ITIH5: variants seen among roughly 807,000 people sequenced by gnomAD.
The protein encoded by ITIH5 is inter-alpha-trypsin inhibitor heavy chain 5, also known as inter-alpha-trypsin inhibitor heavy chain H5.
In ITIH5, 65 loss-of-function variants were observed where a neutral mutation model predicts 77.5. The observed-to-expected ratio is 0.84, with a 90% CI of 0.69 to 1.03. ITIH5 has a LOEUF of 1.03. ITIH5 is among the 50% of genes least tolerant of loss of function. ITIH5 has a pLI of 0.00. For synonymous variants in ITIH5, 525 were observed against 494.3 expected, an observed-to-expected ratio of 1.06 and a Z score of -0.82; for missense variants, 1,208 against 1,213.1, an observed-to-expected ratio of 1.00 and a Z score of 0.06.
At chr10:7,583,143 A>G (rs1832601854) in intron 8 of ITIH5, among the ~76,000 whole-genome samples, 1 of 152,170 alleles carries the variant, frequency 6.6e-6, no homozygotes, top group Non-Finnish European at 1.5e-5. Context: ...TTAAAAATTA[A>G]AATTAAAATG....
At chr10:7,644,306 T>C (rs1447418466) in intron 2 of ITIH5, among the ~76,000 whole-genome samples, 1 of 148,716 alleles carries the variant, frequency 6.7e-6, no homozygotes, top group Non-Finnish European at 1.5e-5. Context: ...ATCATACATA[T>C]CACATATATA....
chr10:7,653,263 G>A (rs1182382383), intron 2 of ITIH5, among the ~76,000 whole-genome samples: 1 of 152,206 alleles, frequency 6.6e-6, no homozygotes, highest in Non-Finnish European at 1.5e-5. Context: ...CTAGAGTGCA[G>A]TGGTGCAATC....
At chr10:7,630,885 CAG>C (rs1330591171) in intron 5 of ITIH5, among the ~76,000 whole-genome samples, 1 of 151,996 alleles carries the variant, frequency 6.6e-6, no homozygotes, top group African/African-American at 2.4e-5. Flanking sequence ...AACATGAAAA[CAG>C]TTACAAAGGT....
chr10:7,602,444 C>G lies in ITIH5; in HGVS notation c.939+13538G>C, dbSNP rs530392663. ...CAGGAGCAGGTGGAGGTAACTAAATCATGGAGGCGGTTTCCCCCAGGCTGT... is the reference window on the plus strand; with the variant it reads ...CAGGAGCAGGTGGAGGTAACTAAATGATGGAGGCGGTTTCCCCCAGGCTGT... On this transcript the variant is annotated intron_variant, in intron 7 of 13. Transcript: ENST00000397146. 5.9e-5 allele frequency among the ~76,000 whole-genome samples: 9 copies of G among 152,300 alleles called. No homozygotes were observed. In the South Asian group the frequency reaches 1.9e-3, roughly 32 times the overall value.
At chr10:7,598,451 A>G (rs1832952763) in intron 7 of ITIH5, among the ~76,000 whole-genome samples, 1 of 152,228 alleles carries the variant, frequency 6.6e-6, no homozygotes, top group African/African-American at 2.4e-5. Flanking sequence ...TTAGAAGTAA[A>G]TGTAGAAAAC....
At chr10:7,597,063 A>AAAT (rs750714870) in intron 7 of ITIH5, among the ~76,000 whole-genome samples, 1 of 142,648 alleles carries the variant, frequency 7.0e-6, no homozygotes, top group Non-Finnish European at 1.6e-5. Flanking sequence ...AAAAAAAAAA[A>AAAT]ATTCCACCAA....
intron 2 of ITIH5, among the ~76,000 whole-genome samples, chr10:7,644,279 G>GTA (rs1425514720): frequency 6.8e-6 from 1 of 146,538 alleles, no homozygotes; most frequent in Non-Finnish European, 1.5e-5. Context: ...ATGTGCGTGT[G>GTA]TATATATATC....
chr10:7,594,614 G>A lies in ITIH5; in HGVS notation c.940-8545C>T, dbSNP rs200771299. On this transcript the variant is annotated intron_variant, in intron 7 of 13. Coordinates refer to ENST00000397146, the MANE Select transcript of ITIH5 (RefSeq NM_030569.7). ...CAATCAGGGTACAGGCCTGATTCGC[G>A]AGGGGATTAAGTGTCTGATTTTAGA... Among the ~76,000 whole-genome samples the A allele has an allele frequency of 4.9e-5, 5 of 103,086 alleles. No homozygotes were observed. In the East Asian group the frequency reaches 8.0e-4, roughly 17 times the overall value. The allele number at this position is 103,086 out of a possible 152,430, so 67.6% of individuals were successfully genotyped here. A position where few individuals can be genotyped will look rare whatever the true frequency, so the allele number is the denominator to read the frequency against.
intron 1 of ITIH5, among the ~76,000 whole-genome samples, chr10:7,665,141 G>A (rs74479699): frequency 6.6e-6 from 1 of 152,112 alleles, no homozygotes; most frequent in Non-Finnish European, 1.5e-5. Flanking sequence ...TATTGTGCTG[G>A]GTTGAAGACA....
At chr10:7,565,922 T>C in intron 13 of ITIH5, 108 bp downstream of exon 13, 1 of 1,446,650 alleles carries the variant, frequency 6.9e-7, no homozygotes, top group East Asian at 2.3e-5. Flanking sequence ...GAAAACCACA[T>C]TCCTATTGAA....
intron 7 of ITIH5, among the ~76,000 whole-genome samples, chr10:7,613,533 G>A (rs558431358): frequency 2.0e-5 from 3 of 152,172 alleles, no homozygotes; most frequent in African/African-American, 7.2e-5. Flanking sequence ...TGTAAAAAAC[G>A]GAAAATCCTA....
chr10:7,562,962 T>G lies in ITIH5; in HGVS notation c.*121A>C. On this transcript the variant is annotated 3_prime_UTR_variant, in exon 14 of 14. Coordinates refer to ENST00000397146, the MANE Select transcript of ITIH5 (RefSeq NM_030569.7). ...CGTCGGATCTATGCTGCACCAGGGGTGGGTCATGGAGTCCAGCTAATTGCC... is the reference window on the plus strand; with the variant it reads ...CGTCGGATCTATGCTGCACCAGGGGGGGGTCATGGAGTCCAGCTAATTGCC... The G allele has an allele frequency of 1.6e-6, 1 of 632,388 alleles. No homozygotes were observed. 39.2% of individuals were successfully genotyped at this position (632,388 alleles called of 1,614,324 possible).
At chr10:7,656,247 C>T (rs546173591) in intron 1 of ITIH5, among the ~76,000 whole-genome samples, 2 of 152,172 alleles carry the variant, frequency 1.3e-5, no homozygotes, top group African/African-American at 2.4e-5. Flanking sequence ...CATGGCCTCG[C>T]TGTGTTGCTC....
intron 9 of ITIH5, 58 bp downstream of exon 9, chr10:7,579,697 G>A (rs1332034787): frequency 2.5e-5 from 39 of 1,544,996 alleles, no homozygotes; most frequent in Admixed American, 1.2e-4. Flanking sequence ...AATTCCCACC[G>A]CAGCCACCCC....
rs538287612 is a variant in ITIH5, at chr10:7,583,367, CT to C, written c.1108+2533del. On this transcript the variant is annotated intron_variant, in intron 8 of 13. Coordinates refer to ENST00000397146, the MANE Select transcript of ITIH5 (RefSeq NM_030569.7). ...TTTGTTTTTGAAACAGAATTTCACT[CT>C]GTCACCGGGGCTGGAGTGCAGTGGT... Among the ~76,000 whole-genome samples, 222 of 152,338 alleles carry C rather than the reference CT, an allele frequency of 1.5e-3. 1 individual carries two copies. The highest frequency in any genetic ancestry group is 4.6e-3 in the Admixed American group (70 of 15,304).
chr10:7,581,152 C>T (rs547360814), intron 8 of ITIH5, among the ~76,000 whole-genome samples: 15 of 152,196 alleles, frequency 9.9e-5, no homozygotes, highest in East Asian at 3.9e-4. Flanking sequence ...CCCAGCTACT[C>T]GGATGGCTAA....
intron 1 of ITIH5, among the ~76,000 whole-genome samples, chr10:7,660,065 C>G (rs920476185): frequency 1.3e-5 from 2 of 152,044 alleles, no homozygotes; most frequent in African/African-American, 4.8e-5. Context: ...ATGGTGCTAC[C>G]CAGCTGAGGT....
chr10:7,565,822 T>C (rs1230664976), intron 13 of ITIH5, among the ~76,000 whole-genome samples: 3 of 149,738 alleles, frequency 2.0e-5, no homozygotes, highest in Admixed American at 6.7e-5. Context: ...ATGTATAGTA[T>C]ATAATACATT....
At chr10:7,651,504 A>G (rs1282025732) in intron 2 of ITIH5, among the ~76,000 whole-genome samples, 1 of 152,142 alleles carries the variant, frequency 6.6e-6, no homozygotes, top group Admixed American at 6.6e-5. Flanking sequence ...GGTGCTCGGG[A>G]GACTGAGGCG....
Sources: allele counts gnomAD v4.1 joint callset (sites outside exome capture counted in the v4.1 genomes callset), GRCh38; gene constraint gnomAD v4.1.1; transcripts MANE v1.5; gene names NCBI Gene and HGNC (gene_info 2026-07-23, HGNC 2026-07-21).